The following SDR16C5 variants were observed in gnomAD, a reference collection of about 807,000 sequenced individuals.
SDR16C5 encodes the protein epidermal retinol dehydrogenase 2.
SDR16C5 carries 20 observed loss-of-function variants against 27.7 expected under a neutral mutation model. The ratio of observed to expected loss-of-function variants is 0.72; its 90% CI spans 0.51 to 1.05. SDR16C5 has a LOEUF of 1.05. Among genes scored for constraint, SDR16C5 ranks in the 50% least tolerant of loss-of-function variants. SDR16C5 has a pLI of 0.00. For missense variants in SDR16C5, 374 were observed against 366.3 expected (o/e 1.02, Z -0.17); for synonymous variants, 139 against 132.3 (o/e 1.05, Z -0.35).
chr8:56,306,857 G>GA, intron 4 of SDR16C5, 37 bp from the exon 5 acceptor site: 2 of 1,576,252 alleles, frequency 1.3e-6, no homozygotes. Context: ...ATATTCCAAA[G>GA]TTTTAAAATG....
chr8:56,313,099 C>T (rs1313267478), intron 2 of SDR16C5, among the ~76,000 whole-genome samples: 2 of 152,184 alleles, frequency 1.3e-5, no homozygotes, highest in African/African-American at 2.4e-5. Flanking sequence ...TTTTGATGTG[C>T]TTTTCCCATT....
At chr8:56,304,136 G>A (rs1452640551) in intron 6 of SDR16C5, 1 of 692,170 alleles carries the variant, frequency 1.4e-6, no homozygotes, top group South Asian at 1.5e-5. Context: ...GCACAAAGTA[G>A]ATATAATTAG....
rs777157733 is a variant in SDR16C5 at position 56,305,714 on chromosome 8, G to C, written c.719C>G (p.Ser240Cys). ...MFEGCTTGCPSLLPILEPKYA... is the reference protein window; with the variant it reads ...MFEGCTTGCPCLLPILEPKYA... ...TTTTGGTTCCAGAATTGGCAACAGAGAAGGACAGCTAGGATATAAAATGAC... is the reference window on the plus strand; with the variant it reads ...TTTTGGTTCCAGAATTGGCAACAGACAAGGACAGCTAGGATATAAAATGAC... The change falls in exon 6 of 7, where the codon TCT becomes TGT. Residue 240 changes from serine to cysteine, a missense_variant. Ser to Cys is a moderately radical substitution (Grantham distance 112, BLOSUM62 -1). Coordinates refer to ENST00000303749, the MANE Select transcript of SDR16C5 (RefSeq NM_138969.4). 1.4e-5 allele frequency: 22 copies of C among 1,592,000 alleles called. No individual in the cohort carries two copies. In the Admixed American group the frequency reaches 2.7e-4, roughly 20 times the overall value.
At chr8:56,311,225 C>G (rs1815037208) in intron 3 of SDR16C5, among the ~76,000 whole-genome samples, 2 of 152,026 alleles carry the variant, frequency 1.3e-5, no homozygotes. Flanking sequence ...ACCAGCTTGG[C>G]CAATGTGGTG....
At chr8:56,310,345 A>AGG (rs1815014149) in intron 3 of SDR16C5, among the ~76,000 whole-genome samples, 1 of 76,294 alleles carries the variant, frequency 1.3e-5, no homozygotes. Context: ...AGGAAGGAGG[A>AGG]AGAGGAAGAA....
Position 56,300,023 on chromosome 8 carries a change from C to A in SDR16C5, c.*1457G>T, listed in dbSNP as rs1271725989. 3.3e-5 allele frequency: 5 copies of A among 152,102 alleles called. No homozygotes were observed. The highest frequency in any genetic ancestry group is 7.3e-5 in the Non-Finnish European group (5 of 68,034). The allele number at this position is 152,102 out of a possible 1,614,324, so 9.4% of individuals were successfully genotyped here. A position where few individuals can be genotyped will look rare whatever the true frequency, so the allele number is the denominator to read the frequency against. On this transcript the variant is annotated 3_prime_UTR_variant, in exon 7 of 7. Transcript: ENST00000303749. ...TAAGATGTCACTGTGAAATAAAACG[C>A]CTTTATTCTTTGGCATACACCAAAT...
intron 6 of SDR16C5, chr8:56,303,813 C>T (rs2129256782): frequency 3.3e-6 from 2 of 600,272 alleles, no homozygotes; most frequent in Non-Finnish European, 6.0e-6. Flanking sequence ...TATAATCTGC[C>T]ATCTATTAAG....
chr8:56,319,124 G>GGAA (rs1554552497), intron 1 of SDR16C5, among the ~76,000 whole-genome samples: 2 of 134,874 alleles, frequency 1.5e-5, no homozygotes, highest in Middle Eastern at 3.6e-3. Context: ...GAACAAATTA[G>GGAA]AAAAAAAAAA....
At chr8:56,312,811 C>G (rs1045003708) in intron 2 of SDR16C5, among the ~76,000 whole-genome samples, 5 of 142,262 alleles carry the variant, frequency 3.5e-5, no homozygotes, top group Non-Finnish European at 7.5e-5. Flanking sequence ...GAGTCTTGCT[C>G]TGTCGACCAG....
chr8:56,307,276 A>G (rs1331786981), intron 4 of SDR16C5, among the ~76,000 whole-genome samples: 1 of 152,084 alleles, frequency 6.6e-6, no homozygotes, highest in Admixed American at 6.5e-5. Flanking sequence ...TCTTCCAACT[A>G]TAACTCTTTC....
intron 3 of SDR16C5, among the ~76,000 whole-genome samples, chr8:56,311,857 G>A (rs766023504): frequency 5.3e-5 from 8 of 152,140 alleles, no homozygotes; most frequent in Non-Finnish European, 1.0e-4. Flanking sequence ...TTATCTCACC[G>A]AGCTGTTTTA....
At chr8:56,313,376 T>G (rs1209140567) in intron 2 of SDR16C5, among the ~76,000 whole-genome samples, 3 of 152,180 alleles carry the variant, frequency 2.0e-5, no homozygotes, top group Non-Finnish European at 4.4e-5. Context: ...GGAGATACAT[T>G]CTGAGAAGTG....
intron 3 of SDR16C5, among the ~76,000 whole-genome samples, chr8:56,310,922 T>C (rs2129259929): frequency 6.6e-6 from 1 of 152,224 alleles, no homozygotes; most frequent in Middle Eastern, 3.4e-3. Context: ...TCCTGAAAAC[T>C]TTACAAAACA....
chr8:56,319,199 G>A (rs147130669), intron 1 of SDR16C5, among the ~76,000 whole-genome samples: 77 of 150,482 alleles, frequency 5.1e-4, no homozygotes, highest in Non-Finnish European at 4.0e-4. Context: ...GGGGGTGCAA[G>A]AGGAGCTGTT....
intron 1 of SDR16C5, among the ~76,000 whole-genome samples, 165 bp from the exon 2 acceptor site, chr8:56,316,526 C>T (rs959619732): frequency 6.6e-6 from 1 of 152,204 alleles, no homozygotes; most frequent in Non-Finnish European, 1.5e-5. Context: ...GAGGAGGAAG[C>T]CACAGGGACT....
chr8:56,305,758 T>G (rs1271834111), intron 5 of SDR16C5, 36 bp from the exon 6 acceptor site: 1 of 1,558,980 alleles, frequency 6.4e-7, no homozygotes, highest in Admixed American at 2.2e-5. Flanking sequence ...AAAAAAACCC[T>G]GAAGGCCAAA....
At chr8:56,306,609 AG>A in intron 5 of SDR16C5, 66 bp downstream of exon 5, 2 of 1,384,812 alleles carry the variant, frequency 1.4e-6, no homozygotes, top group Non-Finnish European at 2.0e-6. Flanking sequence ...CTTAAAAAAA[AG>A]AACAAAATAA....
At chr8:56,311,789 TC>T (rs1815050715) in intron 3 of SDR16C5, among the ~76,000 whole-genome samples, 1 of 152,224 alleles carries the variant, frequency 6.6e-6, no homozygotes. Flanking sequence ...CCTGGTCCTG[TC>T]TAAGTGCAGT....
intron 2 of SDR16C5, among the ~76,000 whole-genome samples, chr8:56,315,427 A>T (rs1296694898): frequency 6.6e-6 from 1 of 152,156 alleles, no homozygotes; most frequent in Non-Finnish European, 1.5e-5. Flanking sequence ...TGATTGTCTT[A>T]TGACTACTTA....
Sources: gnomAD v4.1 joint callset for allele counts (sites outside exome capture counted in the v4.1 genomes callset) on GRCh38, gnomAD v4.1.1 for gene constraint, MANE v1.5 for transcripts, NCBI Gene and HGNC (gene_info 2026-07-23, HGNC 2026-07-21) for gene names.